Variants in CHN1 observed in about 807,000 individuals in gnomAD.
CHN1 encodes N-chimaerin.
CHN1 carries 37 observed loss-of-function variants against 59.5 expected under a neutral mutation model. The observed-to-expected ratio is 0.62, with a 90% CI of 0.48 to 0.82. CHN1 has a LOEUF of 0.82. CHN1 is among the 40% of genes least tolerant of loss of function. The pLI is 0.00. For missense variants in CHN1, 469 were observed against 571.0 expected (o/e 0.82, Z 1.82); for synonymous variants, 206 against 200.4 (o/e 1.03, Z -0.24).
intron 7 of CHN1, among the ~76,000 whole-genome samples, chr2:174,844,395 A>C (rs1308842409): frequency 2.6e-5 from 4 of 152,192 alleles, no homozygotes; most frequent in Non-Finnish European, 5.9e-5. Flanking sequence ...TCACTCCCTG[A>C]AATAAGGTTT....
chr2:174,972,916 G>C (rs1424327018), intron 1 of CHN1, among the ~76,000 whole-genome samples: 2 of 152,062 alleles, frequency 1.3e-5, no homozygotes, highest in Admixed American at 6.6e-5. Flanking sequence ...TTTTAAATGA[G>C]GGAGATCCTG....
At chr2:174,974,233 T>C (rs1455161756) in intron 1 of CHN1, among the ~76,000 whole-genome samples, 1 of 152,224 alleles carries the variant, frequency 6.6e-6, no homozygotes, top group African/African-American at 2.4e-5. Flanking sequence ...GGATTTCTAA[T>C]AAGCAATATT....
intron 3 of CHN1, among the ~76,000 whole-genome samples, chr2:174,937,241 T>C (rs1439959454): frequency 1.3e-5 from 2 of 151,946 alleles, no homozygotes; most frequent in African/African-American, 4.8e-5. Context: ...AAACAAGGGG[T>C]AGACCACAAA....
At chr2:174,893,374 G>C (rs935952021) in intron 5 of CHN1, among the ~76,000 whole-genome samples, 1 of 151,954 alleles carries the variant, frequency 6.6e-6, no homozygotes, top group Non-Finnish European at 1.5e-5. Context: ...ATTTACAAGA[G>C]TATCAAAAAG....
Position 174,993,101 on chromosome 2 carries a change from C to T in CHN1, c.19+11793G>A, listed in dbSNP as rs577266374. ...CACCACACCTGGCTCCAATCACTTGCTAGCTAATGGAATTCCTCAACCCCC... is the reference window on the plus strand; with the variant it reads ...CACCACACCTGGCTCCAATCACTTGTTAGCTAATGGAATTCCTCAACCCCC... On this transcript the variant is annotated intron_variant, in intron 1 of 12. Coordinates refer to ENST00000409900, the MANE Select transcript of CHN1 (RefSeq NM_001822.7). Among the ~76,000 whole-genome samples the T allele has an allele frequency of 2.0e-5, 3 of 152,224 alleles. No homozygotes were observed. The South Asian group carries it at 6.2e-4, about 32-fold the overall frequency.
chr2:174,957,907 GTCAA>G (rs1422873087), intron 1 of CHN1, among the ~76,000 whole-genome samples: 1 of 152,218 alleles, frequency 6.6e-6, no homozygotes, highest in Non-Finnish European at 1.5e-5. Flanking sequence ...CACATGGACA[GTCAA>G]TCAACCATGC....
chr2:174,800,791 C>T (rs919746081), intron 12 of CHN1, among the ~76,000 whole-genome samples: 23 of 152,124 alleles, frequency 1.5e-4, no homozygotes, highest in African/African-American at 5.3e-4. Flanking sequence ...TGCTTTTTAC[C>T]ACTGCACAGT....
chr2:174,823,105 TC>T (rs1685555644), intron 8 of CHN1, among the ~76,000 whole-genome samples: 1 of 152,202 alleles, frequency 6.6e-6, no homozygotes, highest in Admixed American at 6.5e-5. Context: ...CCCAGAAATT[TC>T]TGCACATAAT....
chr2:174,973,813 T>C (rs1297718066), intron 1 of CHN1, among the ~76,000 whole-genome samples: 3 of 152,232 alleles, frequency 2.0e-5, no homozygotes, highest in African/African-American at 4.8e-5. Context: ...ATATTAGCTA[T>C]TGTTATTGTT....
At chr2:174,816,326 G>A (rs965009430) in intron 8 of CHN1, among the ~76,000 whole-genome samples, 1 of 152,224 alleles carries the variant, frequency 6.6e-6, no homozygotes, top group Non-Finnish European at 1.5e-5. Flanking sequence ...TCACAGGTTT[G>A]CAGCAGAGTG....
chr2:174,845,922 A>C (rs959826701), intron 7 of CHN1, among the ~76,000 whole-genome samples: 1 of 152,184 alleles, frequency 6.6e-6, no homozygotes, highest in Non-Finnish European at 1.5e-5. Flanking sequence ...TGAATAAATA[A>C]ATAAATGAAA....
In CHN1 at chr2:174,816,758, AT is replaced by A. The variant is rs1408769692; in HGVS notation, c.713-4277del. Among the ~76,000 whole-genome samples the A allele has an allele frequency of 2.6e-5, 4 of 152,170 alleles. No individual in the cohort carries two copies. The East Asian group carries it at 7.7e-4, about 29-fold the overall frequency. ...CCTTTTGTTATAATTATTGGGAGTAATAAAAGCATATTTATCCATCTTGTCC... is the reference window on the plus strand; with the variant it reads ...CCTTTTGTTATAATTATTGGGAGTAAAAAAGCATATTTATCCATCTTGTCC... On this transcript the variant is annotated intron_variant, in intron 8 of 12. Coordinates refer to ENST00000409900, the MANE Select transcript of CHN1 (RefSeq NM_001822.7).
chr2:174,892,374 G>C (rs1252400804), intron 5 of CHN1, among the ~76,000 whole-genome samples: 1 of 152,166 alleles, frequency 6.6e-6, no homozygotes, highest in Non-Finnish European at 1.5e-5. Context: ...CCCAGGGTTT[G>C]GCCCTTTTTC....
At chr2:174,939,900 A>C (rs1689605066) in intron 3 of CHN1, among the ~76,000 whole-genome samples, 1 of 152,232 alleles carries the variant, frequency 6.6e-6, no homozygotes, top group Non-Finnish European at 1.5e-5. Flanking sequence ...TAATTCTGTA[A>C]ATTGGTTCTC....
intron 1 of CHN1, among the ~76,000 whole-genome samples, chr2:174,958,472 C>T (rs1012155681): frequency 6.6e-6 from 1 of 152,170 alleles, no homozygotes; most frequent in Admixed American, 6.5e-5. Context: ...TAACGCCTCA[C>T]AGACCCTGTG....
intron 11 of CHN1, among the ~76,000 whole-genome samples, chr2:174,806,443 T>A (rs1045403756): frequency 6.6e-6 from 1 of 152,034 alleles, no homozygotes; most frequent in African/African-American, 2.4e-5. Flanking sequence ...AGAAAAAAAA[T>A]TTTGGAGAAT....
chr2:174,858,433 C>T (rs1200339122), intron 6 of CHN1, among the ~76,000 whole-genome samples: 6 of 152,032 alleles, frequency 3.9e-5, no homozygotes, highest in African/African-American at 7.2e-5. Context: ...AAAGATTTAA[C>T]GTTTATAAAC....
chr2:174,805,514 G>C (rs999225501), intron 11 of CHN1, among the ~76,000 whole-genome samples: 1 of 152,186 alleles, frequency 6.6e-6, no homozygotes. Flanking sequence ...AAGACAAAAC[G>C]TAATTACAAC....
intron 3 of CHN1, among the ~76,000 whole-genome samples, chr2:174,938,998 T>G (rs1391759071): frequency 6.6e-6 from 1 of 152,154 alleles, no homozygotes; most frequent in African/African-American, 2.4e-5. Context: ...GATGAATACA[T>G]TGCTCAATTT....
Sources: gnomAD v4.1 joint callset for allele counts (sites outside exome capture counted in the v4.1 genomes callset) on GRCh38, gnomAD v4.1.1 for gene constraint, MANE v1.5 for transcripts, NCBI Gene and HGNC (gene_info 2026-07-23, HGNC 2026-07-21) for gene names.